Variants in ARPP21 observed in about 807,000 individuals in gnomAD.
The protein encoded by ARPP21 is cAMP regulated phosphoprotein 21, also known as cAMP-regulated phosphoprotein 21.
In ARPP21, 69 loss-of-function variants were observed where a neutral mutation model predicts 113.2. That is an observed-to-expected ratio of 0.61 (90% CI 0.50 to 0.74). The LOEUF is 0.74. ARPP21 is among the 30% of genes least tolerant of loss of function. The probability of loss-of-function intolerance (pLI) is 0.00; values close to 1 mark genes in which losing one functional copy is unlikely to be tolerated. For synonymous variants in ARPP21, 368 were observed against 375.5 expected (o/e 0.98, Z 0.23); for missense variants, 1,070 against 1,037.4 (o/e 1.03, Z -0.43).
At chr3:35,655,302 T>C (rs543433409) in intron 1 of ARPP21, among the ~76,000 whole-genome samples, 1 of 152,118 alleles carries the variant, frequency 6.6e-6, no homozygotes, top group Admixed American at 6.6e-5. Flanking sequence ...ATAAAAAGAA[T>C]AATCTTTATT....
At chr3:35,658,217 T>G (rs1008399895) in intron 1 of ARPP21, among the ~76,000 whole-genome samples, 5 of 151,926 alleles carry the variant, frequency 3.3e-5, no homozygotes, top group African/African-American at 9.7e-5. Flanking sequence ...AAAGCATGGG[T>G]TTTTGAGAAC....
chr3:35,716,265 A>C (rs2092379495), intron 12 of ARPP21, among the ~76,000 whole-genome samples: 1 of 152,130 alleles, frequency 6.6e-6, no homozygotes, highest in African/African-American at 2.4e-5. Context: ...TTGATTTGAA[A>C]ATGTGGTATC....
intron 14 of ARPP21, among the ~76,000 whole-genome samples, chr3:35,724,380 C>T (rs2093366925): frequency 6.6e-6 from 1 of 152,172 alleles, no homozygotes; most frequent in African/African-American, 2.4e-5. Context: ...TTTCTTACCA[C>T]ATTGGCCTAG....
rs140281201 is a variant in ARPP21 at position 35,779,862 on chromosome 3, T to C, written c.2138-12520T>C. ...TTTTCTCACTCCTCCTTTTAGTCCC[T>C]TTCCATATTCCCTCCTCCTTTCCCT... On this transcript the variant is annotated intron_variant, in intron 19 of 20. Transcript: ENST00000684406. 2.2e-4 allele frequency among the ~76,000 whole-genome samples: 33 copies of C among 152,280 alleles called. No homozygotes were observed. The East Asian group carries it at 6.4e-3, about 29-fold the overall frequency.
intron 15 of ARPP21, 68 bp downstream of exon 15, chr3:35,729,604 G>A (rs1344675770): frequency 7.4e-7 from 1 of 1,352,852 alleles, no homozygotes; most frequent in African/African-American, 1.4e-5. Context: ...TTGATCTTAT[G>A]AATTTGCTAG....
chr3:35,709,265 G>T (rs936060316), intron 11 of ARPP21, among the ~76,000 whole-genome samples, 195 bp downstream of exon 11: 16 of 152,134 alleles, frequency 1.1e-4, no homozygotes, highest in African/African-American at 3.6e-4. Flanking sequence ...AAGGGTTTGG[G>T]TGTGTTCTTA....
intron 18 of ARPP21, among the ~76,000 whole-genome samples, chr3:35,741,677 A>T (rs2094669278): frequency 6.6e-6 from 1 of 152,040 alleles, no homozygotes; most frequent in East Asian, 1.9e-4. Flanking sequence ...CTTCTAATCC[A>T]CTCCTTTTTG....
intron 1 of ARPP21, among the ~76,000 whole-genome samples, chr3:35,657,794 C>T (rs565751509): frequency 6.6e-6 from 1 of 152,092 alleles, no homozygotes; most frequent in African/African-American, 2.4e-5. Context: ...TCTCCAAGCC[C>T]GAATCCTAGC....
intron 19 of ARPP21, chr3:35,744,617 G>A: frequency 2.2e-6 from 1 of 454,506 alleles, no homozygotes; most frequent in Non-Finnish European, 4.6e-6. Context: ...AGGGCTGAGT[G>A]GCTTGTGCTA....
chr3:35,751,863 T>A (rs757691724), intron 19 of ARPP21, among the ~76,000 whole-genome samples: 1 of 152,108 alleles, frequency 6.6e-6, no homozygotes, highest in Non-Finnish European at 1.5e-5. Context: ...CAGAGTCTAC[T>A]CTGCCTATGT....
At chr3:35,720,053 T>G (rs192434253) in intron 13 of ARPP21, among the ~76,000 whole-genome samples, 2 of 152,322 alleles carry the variant, frequency 1.3e-5, no homozygotes, top group Non-Finnish European at 2.9e-5. Context: ...ACCTGGTCAT[T>G]GGTGAAGGTC....
At chr3:35,763,064 A>T (rs2095839910) in intron 19 of ARPP21, among the ~76,000 whole-genome samples, 2 of 152,136 alleles carry the variant, frequency 1.3e-5, no homozygotes, top group Non-Finnish European at 2.9e-5. Flanking sequence ...ACATAAATAT[A>T]GTATCAGACA....
intron 12 of ARPP21, 67 bp downstream of exon 12, chr3:35,715,543 C>T (rs2092265406): frequency 1.6e-6 from 2 of 1,288,736 alleles, no homozygotes; most frequent in Non-Finnish European, 2.3e-6. Context: ...CTTGTGTATT[C>T]ATAAATATAT....
At chr3:35,762,096 C>CCTCTCTCTCTCTCTCT (rs373149403) in intron 19 of ARPP21, among the ~76,000 whole-genome samples, 182 of 136,066 alleles carry the variant, frequency 1.3e-3, no homozygotes, top group African/African-American at 5.0e-3. Context: ...CTCTCTCTCT[C>CCTCTCTCTCTCTCTCT]CTCTCTCTCT....
At chr3:35,670,245 G>T (rs1436330895) in intron 1 of ARPP21, among the ~76,000 whole-genome samples, 1 of 152,058 alleles carries the variant, frequency 6.6e-6, no homozygotes, top group Non-Finnish European at 1.5e-5. Flanking sequence ...GGGTCTTATT[G>T]TCAGGTTTGT....
intron 5 of ARPP21, chr3:35,684,615 T>G: frequency 1.0e-6 from 1 of 985,472 alleles, no homozygotes; most frequent in South Asian, 4.7e-5. Context: ...TAAAATGGTT[T>G]ACCTGAGCCC....
intron 20 of ARPP21, among the ~76,000 whole-genome samples, 162 bp from the exon 21 acceptor site, chr3:35,793,539 G>A (rs1194124058): frequency 6.6e-6 from 1 of 152,218 alleles, no homozygotes; most frequent in Admixed American, 6.5e-5. Flanking sequence ...GAGAGGTTAA[G>A]TGACTTTCCT....
rs1346287985 is a variant in ARPP21 at position 35,666,555 on chromosome 3, A to C, written c.-212-13232A>C. Among the ~76,000 whole-genome samples, 3 of 152,258 alleles carry C rather than the reference A, an allele frequency of 2.0e-5. No individual in the cohort carries two copies. The East Asian group carries it at 5.8e-4, about 29-fold the overall frequency. The stretch of plus-strand genomic sequence containing the variant: ...AAATTATTTGGTTGTGTGTAGGTGT[A>C]GGGTTTTTATTTTAGTTTGTCTTTG... On this transcript the variant is annotated intron_variant, in intron 1 of 20. Coordinates refer to ENST00000684406, the MANE Select transcript of ARPP21 (RefSeq NM_001385562.1).
intron 9 of ARPP21, among the ~76,000 whole-genome samples, chr3:35,697,036 T>G (rs749043728): frequency 2.0e-5 from 3 of 151,582 alleles, no homozygotes; most frequent in Non-Finnish European, 4.4e-5. Flanking sequence ...CTTGCACAAG[T>G]GTTTTCCAAA....
Sources: gnomAD v4.1 joint callset for allele counts (sites outside exome capture counted in the v4.1 genomes callset) on GRCh38, gnomAD v4.1.1 for gene constraint, MANE v1.5 for transcripts, NCBI Gene and HGNC (gene_info 2026-07-23, HGNC 2026-07-21) for gene names.